TAOK3: variants seen among roughly 807,000 people sequenced by gnomAD.
The protein encoded by TAOK3 is serine/threonine-protein kinase TAO3.
In TAOK3, 40 loss-of-function variants were observed where a neutral mutation model predicts 120.4. The observed-to-expected ratio is 0.33, with a 90% CI of 0.26 to 0.43. The LOEUF is 0.43. Ranked by LOEUF, TAOK3 falls within the 20% of genes least tolerant of loss-of-function variation. The pLI, the probability that TAOK3 is intolerant of heterozygous loss-of-function variation, is 1.00. For missense variants in TAOK3, 821 were observed against 1,112.1 expected (o/e 0.74, Z 3.72); for synonymous variants, 355 against 387.5 (o/e 0.92, Z 0.99).
intron 3 of TAOK3, among the ~76,000 whole-genome samples, chr12:118,253,204 A>T (rs2140128143): frequency 6.6e-6 from 1 of 152,342 alleles, no homozygotes; most frequent in East Asian, 1.9e-4. Flanking sequence ...TTTGGCTAGA[A>T]GCAAAAGGAC....
rs1321895544 is a variant in TAOK3, at chr12:118,149,876, ATGTTT to A, written c.*1116_*1120del. 1.3e-5 allele frequency: 2 copies of A among 152,076 alleles called. No homozygotes were observed. Among genetic ancestry groups the A allele is most frequent in the Non-Finnish European group, 1.5e-5 (1 of 68,024 alleles). 9.4% of individuals were successfully genotyped at this position (152,076 alleles called of 1,614,324 possible). A position where few individuals can be genotyped will look rare whatever the true frequency, so the allele number is the denominator to read the frequency against. ...CATGCTCTTCCTTGGAACCTGAAAA[ATGTTT>A]TGTTTTGTTTTTAAAGTGCATGCAA... is the stretch of plus-strand genomic sequence containing the variant. On this transcript the variant is annotated 3_prime_UTR_variant, in exon 21 of 21. Coordinates refer to ENST00000392533, the MANE Select transcript of TAOK3 (RefSeq NM_016281.4).
intron 11 of TAOK3, among the ~76,000 whole-genome samples, chr12:118,210,734 TTTTTTC>T (rs1013157094): frequency 6.7e-6 from 1 of 148,834 alleles, no homozygotes; most frequent in African/African-American, 2.5e-5. Context: ...ATTTCTTTTC[TTTTTTC>T]TTTTTTTTTT....
At chr12:118,314,664 T>C (rs1273346800) in intron 1 of TAOK3, among the ~76,000 whole-genome samples, 1 of 152,188 alleles carries the variant, frequency 6.6e-6, no homozygotes, top group Non-Finnish European at 1.5e-5. Context: ...AATTTGGAGA[T>C]GGAGAAATTG....
chr12:118,295,395 G>A (rs1483873407), intron 1 of TAOK3: 1 of 152,144 alleles, frequency 6.6e-6, no homozygotes, highest in Non-Finnish European at 1.5e-5. Flanking sequence ...GTTTGACAAT[G>A]AAGATTGAAA....
chr12:118,308,745 C>T (rs1044073709), intron 1 of TAOK3, among the ~76,000 whole-genome samples: 1 of 151,742 alleles, frequency 6.6e-6, no homozygotes, highest in Non-Finnish European at 1.5e-5. Flanking sequence ...GCCTGACTAA[C>T]ATGGTAAAAC....
intron 14 of TAOK3, among the ~76,000 whole-genome samples, chr12:118,184,536 T>C (rs1420323059): frequency 2.0e-5 from 3 of 152,216 alleles, no homozygotes; most frequent in Admixed American, 2.0e-4. Context: ...TGGATTCCTA[T>C]GGTTCTTGAA....
chr12:118,177,613 C>T (rs1251877468), intron 15 of TAOK3, among the ~76,000 whole-genome samples: 4 of 151,918 alleles, frequency 2.6e-5, no homozygotes, highest in African/African-American at 4.8e-5. Flanking sequence ...CACCTGAGGT[C>T]GGGAGTTTGA....
intron 1 of TAOK3, among the ~76,000 whole-genome samples, chr12:118,295,851 C>T (rs2042660972): frequency 6.6e-6 from 1 of 152,174 alleles, no homozygotes; most frequent in Admixed American, 6.5e-5. Context: ...CACCCACATC[C>T]ATTCTGAGTA....
chr12:118,241,390 T>C (rs1440134217), intron 5 of TAOK3, among the ~76,000 whole-genome samples: 1 of 152,224 alleles, frequency 6.6e-6, no homozygotes, highest in Non-Finnish European at 1.5e-5. Context: ...CATAATTTTC[T>C]AATTTTTAAA....
chr12:118,240,178 CTTT>C (rs57739118), intron 5 of TAOK3, among the ~76,000 whole-genome samples: 4 of 134,278 alleles, frequency 3.0e-5, no homozygotes, highest in Admixed American at 2.3e-4. Context: ...TTTCTTTACT[CTTT>C]TTTTTTTTTT....
At chr12:118,350,423 C>T (rs1473834917) in intron 1 of TAOK3, among the ~76,000 whole-genome samples, 1 of 152,130 alleles carries the variant, frequency 6.6e-6, no homozygotes, top group East Asian at 1.9e-4. Context: ...CACAAATATC[C>T]ATTATAGAGG....
chr12:118,215,330 C>CAAA (rs759313035), intron 9 of TAOK3, among the ~76,000 whole-genome samples: 2 of 89,602 alleles, frequency 2.2e-5, no homozygotes, highest in Non-Finnish European at 4.3e-5. Flanking sequence ...CCCGTCTCTA[C>CAAA]AAAAAAAAAA....
At chr12:118,248,054 A>T (rs1370927716) in intron 3 of TAOK3, among the ~76,000 whole-genome samples, 4 of 152,190 alleles carry the variant, frequency 2.6e-5, no homozygotes, top group Non-Finnish European at 5.9e-5. Context: ...AAAATTCATA[A>T]TCATTTTCTT....
At chr12:118,155,213 C>T (rs1201739367) in intron 19 of TAOK3, among the ~76,000 whole-genome samples, 2 of 152,134 alleles carry the variant, frequency 1.3e-5, no homozygotes, top group African/African-American at 4.8e-5. Context: ...CCAGGCTGGT[C>T]TCGAACTCCT....
Position 118,343,426 on chromosome 12 carries a change from C to CAAA in TAOK3, c.-194+29219_-194+29221dup, listed in dbSNP as rs368283127. 3.2e-4 allele frequency among the ~76,000 whole-genome samples: 25 copies of CAAA among 78,628 alleles called. No individual in the cohort carries two copies. In the South Asian group the frequency reaches 4.8e-3, roughly 15 times the overall value. The allele number at this position is 78,628 out of a possible 152,430, so 51.6% of individuals were successfully genotyped here. ...TAGGCGACAGAGTGAGTCCCTGTCT[C>CAAA]AAAAAAAAAAAAAAAAAAGAAATTC... On this transcript the variant is annotated intron_variant, in intron 1 of 20. Transcript: ENST00000392533.
intron 2 of TAOK3, among the ~76,000 whole-genome samples, chr12:118,266,419 C>T (rs562802499): frequency 2.0e-5 from 3 of 151,336 alleles, no homozygotes; most frequent in South Asian, 4.2e-4. Flanking sequence ...TCAGGCTGGT[C>T]TCGAACTCCT....
At chr12:118,317,476 T>C (rs1462284556) in intron 1 of TAOK3, among the ~76,000 whole-genome samples, 3 of 151,880 alleles carry the variant, frequency 2.0e-5, no homozygotes, top group African/African-American at 7.3e-5. Context: ...TTTTTTGTAT[T>C]TTTAGTAGAG....
chr12:118,344,356 A>G (rs1305648705), intron 1 of TAOK3, among the ~76,000 whole-genome samples: 1 of 151,920 alleles, frequency 6.6e-6, no homozygotes, highest in Non-Finnish European at 1.5e-5. Flanking sequence ...GTTACTATAC[A>G]AAAGTGCAGG....
At chr12:118,232,260 C>T (rs1655026130) in intron 9 of TAOK3, among the ~76,000 whole-genome samples, 1 of 152,178 alleles carries the variant, frequency 6.6e-6, no homozygotes, top group South Asian at 2.1e-4. Context: ...TCAAAATATA[C>T]AACCAAAGGA....
Sources: gnomAD v4.1 joint callset for allele counts (sites outside exome capture counted in the v4.1 genomes callset) on GRCh38, gnomAD v4.1.1 for gene constraint, MANE v1.5 for transcripts, NCBI Gene and HGNC (gene_info 2026-07-23, HGNC 2026-07-21) for gene names.